Variants in GALNT13 observed in about 807,000 individuals in gnomAD.
GALNT13 encodes UDP-GalNAc:polypeptide N-acetylgalactosaminyltransferase 13.
Under a neutral mutation model 64.2 loss-of-function variants are expected in GALNT13, and 28 were observed. The ratio of observed to expected loss-of-function variants is 0.44; its 90% CI spans 0.32 to 0.60. The LOEUF (loss-of-function observed/expected upper bound fraction) is 0.60. Among genes scored for constraint, GALNT13 ranks in the 20% least tolerant of loss-of-function variants. GALNT13 has a pLI of 0.05. For synonymous variants in GALNT13, 214 were observed against 224.6 expected, an observed-to-expected ratio of 0.95 and a Z score of 0.42; for missense variants, 577 against 669.8, an observed-to-expected ratio of 0.86 and a Z score of 1.53.
At chr2:153,576,581 C>T in the GALNT13 span, among the ~76,000 whole-genome samples, 2 of 152,180 alleles carry the variant, frequency 1.3e-5, no homozygotes, top group African/African-American at 4.8e-5. Flanking sequence ...CTCCTTCCCC[C>T]AGCACCCATA....
the GALNT13 span, among the ~76,000 whole-genome samples, chr2:153,332,633 G>T: frequency 3.0e-4 from 45 of 150,574 alleles, no homozygotes; most frequent in Non-Finnish European, 5.0e-4. Context: ...ATGCACTTCT[G>T]TTGGAAGGTA....
At chr2:153,548,357 ATG>A in the GALNT13 span, among the ~76,000 whole-genome samples, 3 of 152,192 alleles carry the variant, frequency 2.0e-5, no homozygotes, top group Non-Finnish European at 4.4e-5. Context: ...ATTAAGCAAA[ATG>A]TGTGTCTCCA....
the GALNT13 span, among the ~76,000 whole-genome samples, chr2:153,845,302 A>G: frequency 1.3e-5 from 2 of 152,214 alleles, no homozygotes; most frequent in African/African-American, 4.8e-5. Context: ...CACGCTGCTG[A>G]TATCTGCTCA....
the GALNT13 span, among the ~76,000 whole-genome samples, chr2:153,255,980 G>A: frequency 1.1e-4 from 17 of 152,096 alleles, no homozygotes; most frequent in Admixed American, 7.9e-4. Context: ...TCTTTGTGGC[G>A]TTCTCTGTAT....
At chr2:153,139,502 C>T in the GALNT13 span, among the ~76,000 whole-genome samples, 54 of 151,818 alleles carry the variant, frequency 3.6e-4, no homozygotes, top group South Asian at 2.7e-3. Context: ...TACGATGGGG[C>T]GAGGGAGAGG....
intron 9 of GALNT13, among the ~76,000 whole-genome samples, chr2:154,346,330 C>T (rs1312469545): frequency 6.6e-6 from 1 of 152,078 alleles, no homozygotes; most frequent in African/African-American, 2.4e-5. Context: ...TCTGTCCTCT[C>T]TCTCACAGAC....
At chr2:154,258,661 G>T (rs1247958965) in intron 7 of GALNT13, among the ~76,000 whole-genome samples, 1 of 151,752 alleles carries the variant, frequency 6.6e-6, no homozygotes. Flanking sequence ...GACCTAAGTT[G>T]ACACCTGATA....
At chr2:153,390,295 A>G in the GALNT13 span, among the ~76,000 whole-genome samples, 1 of 152,000 alleles carries the variant, frequency 6.6e-6, no homozygotes, top group Non-Finnish European at 1.5e-5. Flanking sequence ...GGAACATCAC[A>G]CACCAGGGCC....
chr2:153,710,295 A>G, the GALNT13 span, among the ~76,000 whole-genome samples: 1 of 152,120 alleles, frequency 6.6e-6, no homozygotes, highest in Non-Finnish European at 1.5e-5. Context: ...AGAACTTTTA[A>G]AACATGAAAC....
At chr2:153,611,347 C>G in the GALNT13 span, among the ~76,000 whole-genome samples, 7 of 151,966 alleles carry the variant, frequency 4.6e-5, no homozygotes, top group African/African-American at 1.7e-4. Flanking sequence ...AGGCCCCTGC[C>G]CCCCCGTCCG....
At chr2:153,100,895 G>A in the GALNT13 span, among the ~76,000 whole-genome samples, 2 of 152,026 alleles carry the variant, frequency 1.3e-5, no homozygotes, top group African/African-American at 4.8e-5. Context: ...TGGGCATGGT[G>A]GTGCATGCCT....
intron 3 of GALNT13, among the ~76,000 whole-genome samples, chr2:154,079,297 C>G (rs2105409273): frequency 6.6e-6 from 1 of 151,584 alleles, no homozygotes. Flanking sequence ...AAAGGAAATT[C>G]TTATGGGGTA....
At chr2:153,475,926 T>C in the GALNT13 span, among the ~76,000 whole-genome samples, 132 of 152,320 alleles carry the variant, frequency 8.7e-4, 1 homozygote, top group African/African-American at 3.1e-3. Flanking sequence ...CCACAGAAAC[T>C]GTCTATAAAA....
At chr2:153,099,443 A>T in the GALNT13 span, among the ~76,000 whole-genome samples, 1 of 152,208 alleles carries the variant, frequency 6.6e-6, no homozygotes, top group Non-Finnish European at 1.5e-5. Flanking sequence ...GGAAAAGTAC[A>T]ATATTGATAT....
At chr2:153,311,458 C>T in the GALNT13 span, among the ~76,000 whole-genome samples, 18 of 152,294 alleles carry the variant, frequency 1.2e-4, no homozygotes, top group East Asian at 1.9e-3. Context: ...AAACAACAAA[C>T]GTTTATTATC....
chr2:153,898,082 T>A (rs11887219), intron 1 of GALNT13, among the ~76,000 whole-genome samples: 58,656 of 151,818 alleles, frequency 0.39, 12,126 homozygotes, highest in East Asian at 0.81. Flanking sequence ...CTGGTATCCT[T>A]TACCTTTTTC....
the GALNT13 span, among the ~76,000 whole-genome samples, chr2:153,089,146 C>T: frequency 1.3e-5 from 2 of 152,106 alleles, no homozygotes; most frequent in African/African-American, 4.8e-5. Context: ...CTCCTTTGAA[C>T]ATTTCTTGTG....
intron 4 of GALNT13, among the ~76,000 whole-genome samples, chr2:154,218,053 A>G (rs746151602): frequency 3.4e-4 from 51 of 152,144 alleles, no homozygotes; most frequent in Non-Finnish European, 6.3e-4. Context: ...AGACCAATAT[A>G]TCACATTAGC....
At chr2:154,122,892 CTG>C (rs3075846) in intron 3 of GALNT13, among the ~76,000 whole-genome samples, 12,910 of 151,680 alleles carry the variant, frequency 0.085, 1,449 homozygotes, top group East Asian at 0.6. Context: ...CGTATTCAAA[CTG>C]TGGAAAACTA....
Sources: allele counts gnomAD v4.1 joint callset (sites outside exome capture counted in the v4.1 genomes callset), GRCh38; gene constraint gnomAD v4.1.1; transcripts MANE v1.5; gene names NCBI Gene and HGNC (gene_info 2026-07-23, HGNC 2026-07-21).